The following MGA variants were observed in gnomAD, a reference collection of about 807,000 sequenced individuals.
MGA encodes MAX dimerization protein MGA, also known as MAX gene-associated protein.
Under a neutral mutation model 261.1 loss-of-function variants are expected in MGA, and 40 were observed. The observed-to-expected ratio is 0.15, with a 90% CI of 0.12 to 0.20. MGA has a LOEUF of 0.20. Ranked by LOEUF, MGA falls within the 10% of genes least tolerant of loss-of-function variation. The pLI, the probability that MGA is intolerant of heterozygous loss-of-function variation, is 1.00. For synonymous variants in MGA, 1,302 were observed against 1,290.6 expected (o/e 1.01, Z -0.19); for missense variants, 3,397 against 3,630.5 (o/e 0.94, Z 1.65).
At chr15:41,655,822 T>C (rs2057155892), upstream of MGA, among the ~76,000 whole-genome samples, 1 of 152,338 alleles carries the variant, frequency 6.6e-6, no homozygotes, top group South Asian at 2.1e-4. Flanking sequence ...CTTTGGGAAA[T>C]GTTTGCCAAA....
At chr15:41,754,791 C>T (rs1225416278) in intron 18 of MGA, among the ~76,000 whole-genome samples, 1 of 151,938 alleles carries the variant, frequency 6.6e-6, no homozygotes, top group East Asian at 1.9e-4. Context: ...CTTTTGGAGC[C>T]CGATAGACTG....
At chr15:41,638,555 C>T (rs1020976719) in intron 1 of MGA, among the ~76,000 whole-genome samples, 23 of 151,698 alleles carry the variant, frequency 1.5e-4, no homozygotes, top group African/African-American at 5.3e-4. Context: ...TTTTTGTAGA[C>T]GGGGTCTTCC....
At chr15:41,714,626 C>T (rs186194914) in intron 9 of MGA, among the ~76,000 whole-genome samples, 2 of 152,272 alleles carry the variant, frequency 1.3e-5, no homozygotes, top group Admixed American at 6.5e-5. Flanking sequence ...GCCCCAGCCT[C>T]CTGAGTAGCT....
At chr15:41,744,971 C>G (rs866261574) in intron 15 of MGA, among the ~76,000 whole-genome samples, 2 of 152,054 alleles carry the variant, frequency 1.3e-5, no homozygotes, top group South Asian at 2.1e-4. Flanking sequence ...CTCCGCCTCC[C>G]AGGTTCAAGT....
intron 10 of MGA, among the ~76,000 whole-genome samples, chr15:41,728,538 A>G (rs1595887851): frequency 1.3e-5 from 2 of 152,348 alleles, no homozygotes; most frequent in Middle Eastern, 3.4e-3. Context: ...AATGAGCTAT[A>G]GAAAAGAAAA....
chr15:41,657,039 C>G (rs542413541), upstream of MGA, among the ~76,000 whole-genome samples: 32 of 152,314 alleles, frequency 2.1e-4, no homozygotes, highest in African/African-American at 7.5e-4. Context: ...CTCTGCCTCC[C>G]AAAGTGCTGG....
chr15:41,622,201 T>C (rs1344504412), intron 1 of MGA, among the ~76,000 whole-genome samples: 1 of 152,142 alleles, frequency 6.6e-6, no homozygotes, highest in Non-Finnish European at 1.5e-5. Flanking sequence ...AGCCGAGATC[T>C]GGGAATTCGG....
intron 2 of MGA, among the ~76,000 whole-genome samples, chr15:41,675,955 C>CA (rs948498241): frequency 5.8e-4 from 88 of 152,152 alleles, no homozygotes; most frequent in African/African-American, 2.1e-3. Context: ...CCAAATAAAA[C>CA]AAATTCCTGC....
intron 1 of MGA, among the ~76,000 whole-genome samples, chr15:41,638,637 G>A (rs963033407): frequency 2.0e-5 from 3 of 150,764 alleles, no homozygotes; most frequent in Admixed American, 2.0e-4. Context: ...GCCTCTCAAA[G>A]TGTTGGGATA....
chr15:41,647,864 C>G (rs2056965508), intron 1 of MGA, among the ~76,000 whole-genome samples: 1 of 152,088 alleles, frequency 6.6e-6, no homozygotes, highest in Non-Finnish European at 1.5e-5. Context: ...ATCTTTCTCC[C>G]CAGAAAAGTA....
chr15:41,646,790 T>G (rs1163282722), intron 1 of MGA, among the ~76,000 whole-genome samples: 1 of 152,054 alleles, frequency 6.6e-6, no homozygotes, highest in East Asian at 1.9e-4. Flanking sequence ...ATCACCCCAC[T>G]GTAAGTTTAT....
At chr15:41,658,146 G>A (rs2057246242), upstream of MGA, among the ~76,000 whole-genome samples, 3 of 152,164 alleles carry the variant, frequency 2.0e-5, no homozygotes, top group Non-Finnish European at 2.9e-5. Flanking sequence ...ATTCTCTCTA[G>A]TTTTTTGTTT....
Position 41,669,626 on chromosome 15 carries a change from T to G in MGA, c.732T>G (p.Ile244Met), listed in dbSNP as rs2057937754. 6.2e-7 allele frequency: 1 copy of G among 1,613,964 alleles called. No homozygotes were observed. The highest frequency in any genetic ancestry group is 1.3e-5 in the African/African-American group (1 of 75,054). ...TAACAGCTTATCAGAACATTCAGAT[T>G]ACTCAGCTGAAAATAGATTACAATC... The change falls in exon 2 of 24, where the codon ATT becomes ATG. Residue 244 changes from isoleucine to methionine, a missense_variant. Physicochemically the swap from Ile to Met is conservative, Grantham distance 10. Transcript: ENST00000219905.
intron 1 of MGA, among the ~76,000 whole-genome samples, chr15:41,645,888 CTT>C (rs1382161015): frequency 2.6e-5 from 4 of 152,176 alleles, no homozygotes. Context: ...ATTGAAATGA[CTT>C]TGTGGCAGCA....
chr15:41,705,967 G>A lies in MGA; in HGVS notation c.2189-1761G>A, dbSNP rs535222624. Reference sequence around the variant, plus strand: ...TAAATATGTAATACAGGCCAGGTGCGGTGGCTCAGGCCTGTAATCCCAGCA... The same window carrying A: ...TAAATATGTAATACAGGCCAGGTGCAGTGGCTCAGGCCTGTAATCCCAGCA... On this transcript the variant is annotated intron_variant, in intron 5 of 23. Coordinates refer to ENST00000219905, the MANE Select transcript of MGA (RefSeq NM_001164273.2). 1.1e-3 allele frequency among the ~76,000 whole-genome samples: 169 copies of A among 152,152 alleles called. 1 individual carries two copies. The South Asian group carries it at 0.032, about 29-fold the overall frequency.
At chr15:41,708,758 T>G (rs2060239164) in intron 7 of MGA, among the ~76,000 whole-genome samples, 1 of 152,230 alleles carries the variant, frequency 6.6e-6, no homozygotes, top group African/African-American at 2.4e-5. Context: ...CTGTTATTTC[T>G]GTTTCTGCAG....
chr15:41,721,604 G>C (rs912499688), intron 9 of MGA, among the ~76,000 whole-genome samples: 4 of 152,196 alleles, frequency 2.6e-5, no homozygotes, highest in Admixed American at 2.6e-4. Context: ...AAAGTGGAAT[G>C]TTGAATGGCT....
intron 2 of MGA, among the ~76,000 whole-genome samples, chr15:41,675,597 C>T (rs193201926): frequency 6.6e-6 from 1 of 152,252 alleles, no homozygotes; most frequent in East Asian, 1.9e-4. Context: ...AGGCTCGTCT[C>T]AAACTCCTGG....
intron 1 of MGA, among the ~76,000 whole-genome samples, chr15:41,640,525 A>T (rs575636010): frequency 6.6e-6 from 1 of 151,568 alleles, no homozygotes; most frequent in East Asian, 1.9e-4. Flanking sequence ...ATTTCCTCTT[A>T]GTTTTTTTTT....
Sources: allele counts gnomAD v4.1 joint callset (sites outside exome capture counted in the v4.1 genomes callset), GRCh38; gene constraint gnomAD v4.1.1; transcripts MANE v1.5; gene names NCBI Gene and HGNC (gene_info 2026-07-23, HGNC 2026-07-21).